Variants in STRN observed in about 807,000 individuals in gnomAD.
STRN encodes striatin.
In STRN, 53 loss-of-function variants were observed where a neutral mutation model predicts 96.3. The observed-to-expected ratio is 0.55, with a 90% CI of 0.44 to 0.69. STRN has a LOEUF of 0.69. STRN is among the 30% of genes least tolerant of loss of function. The pLI is 0.00. For missense variants in STRN, 987 were observed against 963.9 expected (o/e 1.02, Z -0.32); for synonymous variants, 428 against 355.9 (o/e 1.20, Z -2.28).
chr2:36,851,072 T>A lies in STRN; in HGVS notation c.2014A>T (p.Ser672Cys), dbSNP rs142916835. 1.2e-6 allele frequency: 2 copies of A among 1,613,844 alleles called. No individual in the cohort carries two copies. The highest frequency in any genetic ancestry group is 2.7e-5 in the African/African-American group (2 of 75,006). Residue 672 changes from serine to cysteine, a missense_variant, in exon 16 of 18, where the codon AGT (serine) becomes TGT (cysteine). Physicochemically the swap from Ser to Cys is moderately radical, Grantham distance 112. Transcript: ENST00000263918. ...ATGCTGATCGGAAGAGTAGGATGAC[T>A]GATGACTCTATTTATTTGGCAGGAA... ...NSSCQINRVISHPTLPISITA... is the reference protein window; with the variant it reads ...NSSCQINRVICHPTLPISITA...
Position 36,904,596 on chromosome 2 carries a change from G to A in STRN, c.491+944C>T, listed in dbSNP as rs540363420. Among the ~76,000 whole-genome samples the A allele has an allele frequency of 3.9e-5, 6 of 152,326 alleles. No individual in the cohort carries two copies. In the South Asian group the frequency reaches 8.3e-4, roughly 21 times the overall value. ...AATCCCAGCACTTTGGGAGGCCGAG[G>A]TGGGGAGATCACTCGAAGTCAGGAG... On this transcript the variant is annotated intron_variant, in intron 4 of 17. Coordinates refer to ENST00000263918, the MANE Select transcript of STRN (RefSeq NM_003162.4).
At chr2:36,933,155 A>C (rs895618019) in intron 1 of STRN, among the ~76,000 whole-genome samples, 6 of 152,148 alleles carry the variant, frequency 3.9e-5, no homozygotes, top group Admixed American at 1.3e-4. Context: ...ATCTATCAAA[A>C]ACATTCAATA....
intron 1 of STRN, among the ~76,000 whole-genome samples, chr2:36,965,672 A>C (rs1270208595): frequency 6.6e-6 from 1 of 152,208 alleles, no homozygotes; most frequent in Non-Finnish European, 1.5e-5. Context: ...AGTGGAGAAC[A>C]GACATTTACA....
intron 1 of STRN, among the ~76,000 whole-genome samples, chr2:36,936,949 T>G (rs906040991): frequency 6.6e-6 from 1 of 152,136 alleles, no homozygotes; most frequent in Non-Finnish European, 1.5e-5. Flanking sequence ...TGGAATATGG[T>G]TCATGATGGC....
chr2:36,851,228 T>A, intron 15 of STRN, 121 bp from the exon 16 acceptor site: 1 of 745,792 alleles, frequency 1.3e-6, no homozygotes, highest in Non-Finnish European at 2.1e-6. Flanking sequence ...CTCACGCCTG[T>A]AATCCAAGCA....
chr2:36,919,688 G>A (rs1670199271), intron 2 of STRN, among the ~76,000 whole-genome samples: 1 of 152,158 alleles, frequency 6.6e-6, no homozygotes, highest in African/African-American at 2.4e-5. Context: ...CTACGGATAT[G>A]GAAGACGAAT....
intron 1 of STRN, among the ~76,000 whole-genome samples, chr2:36,933,226 G>C (rs1465064217): frequency 6.6e-6 from 1 of 152,046 alleles, no homozygotes; most frequent in Non-Finnish European, 1.5e-5. Context: ...TTTACATTAA[G>C]TATTATAAAT....
chr2:36,877,188 T>C (rs946863571), intron 10 of STRN, among the ~76,000 whole-genome samples: 7 of 152,250 alleles, frequency 4.6e-5, no homozygotes, highest in African/African-American at 1.7e-4. Context: ...CCATGCCTAC[T>C]ACTAATTAAA....
chr2:36,849,527 C>T lies in STRN; in HGVS notation c.2272G>A (p.Val758Ile). Residue 758 changes from valine (V) to isoleucine (I), a missense_variant, in exon 18 of 18, where the codon GTA becomes ATA. Coordinates refer to ENST00000263918, the MANE Select transcript of STRN (RefSeq NM_003162.4). ...RKKFEESIHD[V>I]AFHPSKCYIA... ...TAGCATTTGGATGGGTGGAAAGCTA[C>T]ATCATGAATCGATTCTTCAAACTTT... The T allele has an allele frequency of 6.2e-7, 1 of 1,614,132 alleles. No individual in the cohort carries two copies. The highest frequency in any genetic ancestry group is 8.5e-7 in the Non-Finnish European group (1 of 1,180,012).
At chr2:36,861,328 A>G in intron 12 of STRN, 75 bp from the exon 13 acceptor site, 1 of 1,547,402 alleles carries the variant, frequency 6.5e-7, no homozygotes, top group African/African-American at 1.4e-5. Flanking sequence ...TAAAAATAAG[A>G]ATGTTTAATT....
chr2:36,883,400 C>T (rs1423985831), intron 9 of STRN, among the ~76,000 whole-genome samples: 6 of 151,850 alleles, frequency 4.0e-5, no homozygotes, highest in African/African-American at 1.2e-4. Flanking sequence ...GAGGTTGTAG[C>T]GAGCCAAGGT....
At chr2:36,873,781 A>T (rs1320128638) in intron 10 of STRN, among the ~76,000 whole-genome samples, 1 of 151,416 alleles carries the variant, frequency 6.6e-6, no homozygotes, top group Admixed American at 6.6e-5. Context: ...TGTCTCTACT[A>T]AGAATACAAA....
rs1665157456 is a variant in STRN, at chr2:36,966,214, C to T, written c.234+16G>A. Reference sequence around the variant, plus strand: ...AAGAGGCGGGATGAAGACGGCCAGGCCGGGAGGGTCTTTACCTGCAGCTCC... The same window carrying T: ...AAGAGGCGGGATGAAGACGGCCAGGTCGGGAGGGTCTTTACCTGCAGCTCC... On this transcript the variant is annotated intron_variant, in intron 1 of 17. Coordinates refer to ENST00000263918, the MANE Select transcript of STRN (RefSeq NM_003162.4). 1.3e-6 allele frequency: 2 copies of T among 1,543,902 alleles called. No individual in the cohort carries two copies. Among genetic ancestry groups the T allele is most frequent in the Non-Finnish European group, 1.7e-6 (2 of 1,146,658 alleles).
rs183553375 is a variant in STRN at position 36,928,745 on chromosome 2, C to T, written c.235-3537G>A. ...GGATCACGAGGTCAGGAGTTCAAGA[C>T]CAGCCTGACCAAGATGGTGAAACCC... On this transcript the variant is annotated intron_variant, in intron 1 of 17. Coordinates refer to ENST00000263918, the MANE Select transcript of STRN (RefSeq NM_003162.4). Among the ~76,000 whole-genome samples, 1,044 of 151,528 alleles carry T rather than the reference C, an allele frequency of 6.9e-3. 14 individuals are homozygous for T. The highest frequency in any genetic ancestry group is 0.024 in the African/African-American group (1,003 of 41,252).
intron 3 of STRN, among the ~76,000 whole-genome samples, chr2:36,907,438 C>T (rs1265989464): frequency 1.3e-5 from 2 of 152,056 alleles, no homozygotes; most frequent in African/African-American, 4.8e-5. Context: ...TTCCCAGCTA[C>T]TCAGGAGGCT....
intron 7 of STRN, among the ~76,000 whole-genome samples, chr2:36,887,469 T>G (rs1292130467): frequency 6.6e-6 from 1 of 150,918 alleles, no homozygotes; most frequent in African/African-American, 2.4e-5. Flanking sequence ...AAACTCTGTC[T>G]CAAAAAAAAA....
rs752352996 is a variant in STRN, at chr2:36,893,973, T to C, written c.856A>G (p.Lys286Glu). 33 of 1,613,584 alleles carry C rather than the reference T, an allele frequency of 2.0e-5. No homozygotes were observed. The East Asian group carries it at 6.5e-4, about 32-fold the overall frequency. Reference sequence around the variant, plus strand: ...GATGTAACCAAGAAGTCAAACTCCTTTAGAGCTTCTTTTGTATCTCGATCT... The same window carrying C: ...GATGTAACCAAGAAGTCAAACTCCTCTAGAGCTTCTTTTGTATCTCGATCT... Reference protein sequence around the residue: ...GEDRDTKEALKEFDFLVTSEE... With the variant: ...GEDRDTKEALEEFDFLVTSEE... Residue 286 changes from lysine to glutamate, a missense_variant, in exon 7 of 18, where the codon AAG (lysine) becomes GAG (glutamate). By Grantham distance (56) the Lys-to-Glu change is moderately conservative. Transcript: ENST00000263918.
chr2:36,938,758 G>A (rs1192998299), intron 1 of STRN, among the ~76,000 whole-genome samples: 1 of 152,030 alleles, frequency 6.6e-6, no homozygotes, highest in Non-Finnish European at 1.5e-5. Flanking sequence ...TGACAATTTT[G>A]TGATTTTTCA....
At chr2:36,857,762 T>A (rs1330569642) in intron 14 of STRN, 94 bp downstream of exon 14, 1 of 1,060,358 alleles carries the variant, frequency 9.4e-7, no homozygotes, top group African/African-American at 1.6e-5. Context: ...CAAATTAAAT[T>A]TAAAGAGTTC....
Sources: allele counts gnomAD v4.1 joint callset (sites outside exome capture counted in the v4.1 genomes callset), GRCh38; gene constraint gnomAD v4.1.1; transcripts MANE v1.5; gene names NCBI Gene and HGNC (gene_info 2026-07-23, HGNC 2026-07-21).